The following SLC4A8 variants were observed in gnomAD, a reference collection of about 807,000 sequenced individuals.
The protein encoded by SLC4A8 is electroneutral sodium bicarbonate exchanger 1.
In SLC4A8, 40 loss-of-function variants were observed where a neutral mutation model predicts 125.0. The ratio of observed to expected loss-of-function variants is 0.32; its 90% CI spans 0.25 to 0.42. The LOEUF is 0.42. SLC4A8 is among the 10% of genes least tolerant of loss of function. SLC4A8 has a pLI of 1.00. For synonymous variants in SLC4A8, 456 were observed against 476.0 expected, an observed-to-expected ratio of 0.96 and a Z score of 0.55; for missense variants, 863 against 1,355.1, an observed-to-expected ratio of 0.64 and a Z score of 5.70.
chr12:51,460,891 T>G (rs1483720943), intron 8 of SLC4A8, among the ~76,000 whole-genome samples: 2 of 152,196 alleles, frequency 1.3e-5, no homozygotes, highest in Non-Finnish European at 2.9e-5. Context: ...CAGACAACCT[T>G]GAATTTGCAC....
chr12:51,424,862 T>A lies in SLC4A8; in HGVS notation c.-126T>A. The A allele has an allele frequency of 9.5e-7, 1 of 1,050,374 alleles. No individual in the cohort carries two copies. Among genetic ancestry groups the A allele is most frequent in the Non-Finnish European group, 1.4e-6 (1 of 719,622 alleles). The allele number at this position is 1,050,374 out of a possible 1,614,324, so 65.1% of individuals were successfully genotyped here. On this transcript the variant is annotated 5_prime_UTR_variant, in exon 1 of 25. Transcript: ENST00000453097. ...CGGTGGCTATGGAGGCGGCGGCGGT[T>A]GATGGTTGACCGTTGGCTCCGGGGT... is the stretch of plus-strand genomic sequence containing the variant.
chr12:51,401,771 G>A (rs1394409346), intron 1 of SLC4A8, among the ~76,000 whole-genome samples: 1 of 152,086 alleles, frequency 6.6e-6, no homozygotes, highest in African/African-American at 2.4e-5. Flanking sequence ...TGGGGGTGCA[G>A]CCCTAGCCAG....
rs1055218007 is a variant in SLC4A8 at position 51,508,387 on chromosome 12, T to C, written c.*949T>C. On this transcript the variant is annotated 3_prime_UTR_variant, in exon 25 of 25. Coordinates refer to ENST00000453097, the MANE Select transcript of SLC4A8 (RefSeq NM_001039960.3). ...TTTGTGAATAGAAAGGAGGATATGA[T>C]GTTTTTATTGGCCATTTTGCGGGAC... The C allele has an allele frequency of 6.6e-6, 1 of 152,642 alleles. No individual in the cohort carries two copies. The highest frequency in any genetic ancestry group is 1.5e-5 in the Non-Finnish European group (1 of 68,052). The allele number at this position is 152,642 out of a possible 1,614,324, so 9.5% of individuals were successfully genotyped here. A position where few individuals can be genotyped will look rare whatever the true frequency, so the allele number is the denominator to read the frequency against.
chr12:51,453,685 TAGA>T lies in SLC4A8; in HGVS notation c.565_567del (p.Glu189del), dbSNP rs770943183. On this transcript the variant is annotated inframe_deletion, in exon 5 of 25. Transcript: ENST00000453097. ...CTCCTGGATATGCATGCAAATAGCATAGAAGAAATTTCAGGTAAGGTTGGGGAA... is the reference window on the plus strand; with the variant it reads ...CTCCTGGATATGCATGCAAATAGCATAGAAATTTCAGGTAAGGTTGGGGAA... The T allele has an allele frequency of 1.9e-6, 3 of 1,612,864 alleles. No homozygotes were observed. The highest frequency in any genetic ancestry group is 2.5e-6 in the Non-Finnish European group (3 of 1,179,306).
chr12:51,413,017 A>G (rs1948622692), intron 1 of SLC4A8, among the ~76,000 whole-genome samples: 1 of 152,220 alleles, frequency 6.6e-6, no homozygotes, highest in South Asian at 2.1e-4. Context: ...TGTCTGTAAT[A>G]ATACACATTG....
chr12:51,400,151 C>T (rs989967917), intron 1 of SLC4A8, among the ~76,000 whole-genome samples: 5 of 152,166 alleles, frequency 3.3e-5, no homozygotes, highest in Non-Finnish European at 7.3e-5. Flanking sequence ...CAGATAAATC[C>T]AGAGGCCTTT....
At chr12:51,477,054 C>T (rs1464895998) in intron 16 of SLC4A8, among the ~76,000 whole-genome samples, 2 of 151,596 alleles carry the variant, frequency 1.3e-5, no homozygotes, top group African/African-American at 4.8e-5. Context: ...ATTGCAGGCA[C>T]TTACCATGCC....
chr12:51,400,837 CATATATGTTT>C (rs1565749449), intron 1 of SLC4A8, among the ~76,000 whole-genome samples: 5 of 119,186 alleles, frequency 4.2e-5, no homozygotes, highest in Non-Finnish European at 8.5e-5. Flanking sequence ...CGTATATAAA[CATATATGTTT>C]ATATACGTAT....
At chr12:51,477,575 A>G (rs1472891870) in intron 16 of SLC4A8, among the ~76,000 whole-genome samples, 2 of 152,220 alleles carry the variant, frequency 1.3e-5, no homozygotes, top group African/African-American at 4.8e-5. Flanking sequence ...ATTTCTCAGC[A>G]GTCGTTTCCC....
intron 1 of SLC4A8, among the ~76,000 whole-genome samples, chr12:51,407,269 G>A (rs987372890): frequency 4.0e-5 from 6 of 151,890 alleles, no homozygotes; most frequent in South Asian, 2.1e-4. Context: ...TTGCTTTTTC[G>A]TTTTTTAGAG....
intron 1 of SLC4A8, among the ~76,000 whole-genome samples, chr12:51,430,459 C>T (rs1949151678): frequency 6.6e-6 from 1 of 152,128 alleles, no homozygotes; most frequent in African/African-American, 2.4e-5. Context: ...ATAGCAGTTT[C>T]TCCTCTCACT....
At chr12:51,474,198 C>T in intron 14 of SLC4A8, 144 bp from the exon 15 acceptor site, 2 of 517,460 alleles carry the variant, frequency 3.9e-6, no homozygotes, top group South Asian at 3.6e-5. Flanking sequence ...ATGGGGCCTA[C>T]AGAGGGGCCT....
intron 1 of SLC4A8, among the ~76,000 whole-genome samples, chr12:51,432,585 T>C (rs1452233391): frequency 6.6e-6 from 1 of 151,328 alleles, no homozygotes; most frequent in Non-Finnish European, 1.5e-5. Flanking sequence ...TAGCTGGGCG[T>C]GGTGGTGCGT....
rs1370016405 is a variant in SLC4A8, at chr12:51,510,762, G to A, written c.*3324G>A. 1 of 152,172 alleles carries A rather than the reference G, an allele frequency of 6.6e-6. No homozygotes were observed. Among genetic ancestry groups the A allele is most frequent in the Non-Finnish European group, 1.5e-5 (1 of 68,062 alleles). The allele number at this position is 152,172 out of a possible 1,614,324, so 9.4% of individuals were successfully genotyped here. ...CTCCTCCTGTGTGGCTAGAGAAAGA[G>A]ATGGCACCAGGATCTCTTAACGGCA... On this transcript the variant is annotated 3_prime_UTR_variant, in exon 25 of 25. Transcript: ENST00000453097.
chr12:51,456,185 G>T (rs1950145491), intron 5 of SLC4A8, among the ~76,000 whole-genome samples: 1 of 130,836 alleles, frequency 7.6e-6, no homozygotes, highest in African/African-American at 2.5e-5. Flanking sequence ...AGAGAGACAG[G>T]AGGTGATAGA....
Position 51,453,601 on chromosome 12 carries a change from C to A in SLC4A8, c.476C>A (p.Ala159Glu), listed in dbSNP as rs1418725758. 1 of 1,614,046 alleles carries A rather than the reference C, an allele frequency of 6.2e-7. No individual in the cohort carries two copies. The highest frequency in any genetic ancestry group is 8.5e-7 in the Non-Finnish European group (1 of 1,180,004). ...GGERWSKPYV[A>E]TLSLHSLFEL... The stretch of plus-strand genomic sequence containing the variant: ...GAACGCTGGAGCAAGCCTTATGTGG[C>A]AACCCTTTCATTGCACAGCCTGTTT... The change falls in exon 5 of 25, where the codon GCA becomes GAA. Residue 159 changes from alanine (A) to glutamate (E), a missense_variant. This residue lies in a region of SLC4A8 where 390 missense variants were observed against 634.4 expected (regional missense o/e 0.61). Coordinates refer to ENST00000453097, the MANE Select transcript of SLC4A8 (RefSeq NM_001039960.3).
chr12:51,482,214 G>T (rs2138366098), intron 16 of SLC4A8, among the ~76,000 whole-genome samples: 1 of 151,972 alleles, frequency 6.6e-6, no homozygotes, highest in South Asian at 2.1e-4. Flanking sequence ...TACCAGAAAA[G>T]AATATAAAAC....
At chr12:51,446,183 G>A (rs1033094340) in intron 2 of SLC4A8, among the ~76,000 whole-genome samples, 3 of 152,144 alleles carry the variant, frequency 2.0e-5, no homozygotes, top group African/African-American at 7.2e-5. Context: ...CTATGAAGTT[G>A]CAAGATGACT....
In SLC4A8 at chr12:51,515,085, C is replaced by T. The variant is rs1938485488; in HGVS notation, c.*7647C>T. On this transcript the variant is annotated 3_prime_UTR_variant, in exon 25 of 25. Transcript: ENST00000453097. ...ATATTTCTTGAGAGAGAGAACTCAC[C>T]CATGGCACTTTTCTGAGCCCAGCAG... is the stretch of plus-strand genomic sequence containing the variant. The T allele has an allele frequency of 6.6e-6, 1 of 152,204 alleles. No individual in the cohort carries two copies. Among genetic ancestry groups the T allele is most frequent in the Non-Finnish European group, 1.5e-5 (1 of 68,038 alleles). 9.4% of individuals were successfully genotyped at this position (152,204 alleles called of 1,614,324 possible).
Sources: gnomAD v4.1 joint callset for allele counts (sites outside exome capture counted in the v4.1 genomes callset) on GRCh38, gnomAD v4.1.1 for gene constraint, gnomAD v4.1.1 regional missense constraint, MANE v1.5 for transcripts, NCBI Gene and HGNC (gene_info 2026-07-23, HGNC 2026-07-21) for gene names.